The following MAPK8IP3 variants were observed in gnomAD, a reference collection of about 807,000 sequenced individuals.
The protein encoded by MAPK8IP3 is C-Jun-amino-terminal kinase-interacting protein 3.
Under a neutral mutation model 157.8 loss-of-function variants are expected in MAPK8IP3, and 49 were observed. That is an observed-to-expected ratio of 0.31 (90% CI 0.25 to 0.39). The LOEUF (loss-of-function observed/expected upper bound fraction) is 0.39, where lower values mean the gene tolerates loss of function less well. MAPK8IP3 is among the 10% of genes least tolerant of loss of function. MAPK8IP3 has a pLI of 1.00. For missense variants in MAPK8IP3, 1,478 were observed against 1,889.4 expected (o/e 0.78, Z 4.04); for synonymous variants, 897 against 777.7 (o/e 1.15, Z -2.55).
At chr16:1,757,318 A>G (rs1567194778) in intron 8 of MAPK8IP3, among the ~76,000 whole-genome samples, 1 of 152,028 alleles carries the variant, frequency 6.6e-6, no homozygotes, top group Non-Finnish European at 1.5e-5. Context: ...ATTAGCCAGG[A>G]TGGTCTCAAT....
At chr16:1,717,175 G>T (rs1404930133) in intron 1 of MAPK8IP3, among the ~76,000 whole-genome samples, 1 of 150,490 alleles carries the variant, frequency 6.6e-6, no homozygotes, top group African/African-American at 2.4e-5. Context: ...GGCGGAGGTT[G>T]CAGTGAGCCA....
At chr16:1,748,125 C>G in intron 6 of MAPK8IP3, 119 bp from the exon 7 acceptor site, 1 of 720,476 alleles carries the variant, frequency 1.4e-6, no homozygotes, top group South Asian at 1.6e-5. Flanking sequence ...TCTGATCATC[C>G]CCACCTAGCA....
In MAPK8IP3 at chr16:1,766,664, G is replaced by A; in HGVS notation, c.2939+16G>A. ...AGAACGGCTGGTAGGAAGGGCCCGG[G>A]GCAAGGTGGAGGGAGGGTCCTGGGT... On this transcript the variant is annotated intron_variant, in intron 23 of 31. Coordinates refer to ENST00000610761, the MANE Select transcript of MAPK8IP3 (RefSeq NM_001318852.2). 1 of 1,612,494 alleles carries A rather than the reference G, an allele frequency of 6.2e-7. No homozygotes were observed. The highest frequency in any genetic ancestry group is 2.2e-5 in the East Asian group (1 of 44,868).
chr16:1,749,775 C>T (rs538221371), intron 8 of MAPK8IP3, among the ~76,000 whole-genome samples: 3 of 152,318 alleles, frequency 2.0e-5, no homozygotes, highest in Middle Eastern at 3.4e-3. Context: ...TCCTGGTGTA[C>T]TCCTGAGCTG....
chr16:1,732,414 G>A (rs567871741), intron 4 of MAPK8IP3, among the ~76,000 whole-genome samples: 1 of 152,370 alleles, frequency 6.6e-6, no homozygotes, highest in Non-Finnish European at 1.5e-5. Context: ...GGCTTCATGG[G>A]TCACGTTCTG....
chr16:1,755,230 A>G (rs1417690462), intron 8 of MAPK8IP3, among the ~76,000 whole-genome samples: 1 of 152,232 alleles, frequency 6.6e-6, no homozygotes, highest in Non-Finnish European at 1.5e-5. Context: ...GGCATCTCAA[A>G]CCGTGGAAAA....
chr16:1,761,651 G>A (rs1336447835), intron 13 of MAPK8IP3, among the ~76,000 whole-genome samples: 2 of 130,710 alleles, frequency 1.5e-5, no homozygotes, highest in Admixed American at 7.8e-5. Flanking sequence ...CCATTCACAG[G>A]CGGGGCGGCC....
chr16:1,727,953 C>G (rs1406897335), intron 2 of MAPK8IP3, among the ~76,000 whole-genome samples: 2 of 152,246 alleles, frequency 1.3e-5, no homozygotes, highest in Non-Finnish European at 2.9e-5. Context: ...ACGCCGAGGA[C>G]AGGGCACAAG....
chr16:1,756,588 G>T (rs2041610117), intron 8 of MAPK8IP3, among the ~76,000 whole-genome samples: 1 of 151,164 alleles, frequency 6.6e-6, no homozygotes, highest in African/African-American at 2.4e-5. Flanking sequence ...TTGAAGACCA[G>T]CCTGGGCAAC....
Position 1,719,205 on chromosome 16 carries a change from G to A in MAPK8IP3, c.319-5352G>A, listed in dbSNP as rs544876591. On this transcript the variant is annotated intron_variant, in intron 1 of 31. Coordinates refer to ENST00000610761, the MANE Select transcript of MAPK8IP3 (RefSeq NM_001318852.2). ...GCTGGGCTCGAACTCTTGGCCTCAAGTGACACTCCTGCCTCAGCAACCCAA... is the reference window on the plus strand; with the variant it reads ...GCTGGGCTCGAACTCTTGGCCTCAAATGACACTCCTGCCTCAGCAACCCAA... Among the ~76,000 whole-genome samples, 14 of 152,152 alleles carry A rather than the reference G, an allele frequency of 9.2e-5. No homozygotes were observed. The East Asian group carries it at 2.3e-3, about 25-fold the overall frequency.
In MAPK8IP3 at chr16:1,765,153, C is replaced by T. The variant is rs776387925; in HGVS notation, c.2421C>T (p.His807=). 30 of 1,604,240 alleles carry T rather than the reference C, an allele frequency of 1.9e-5. No individual in the cohort carries two copies. Among genetic ancestry groups the T allele is most frequent in the East Asian group, 1.6e-4 (7 of 44,572 alleles). Residue 807 remains histidine, a synonymous_variant, in exon 20 of 32, where the codon CAC becomes CAT. Transcript: ENST00000610761. The part of the protein sequence containing the change: ...VVDQFTVCNA[H]VLCISSIPAA... ...ACCAGTTCACCGTCTGCAACGCGCA[C>T]GTGCTGTGCATCTCCAGCATCCCCG...
intron 5 of MAPK8IP3, chr16:1,745,543 C>G (rs1195875240): frequency 6.6e-6 from 1 of 152,430 alleles, no homozygotes; most frequent in African/African-American, 2.4e-5. Context: ...GGGAGGCGGG[C>G]TGCGCCCGTG....
chr16:1,723,184 C>T (rs1168815089), intron 1 of MAPK8IP3, among the ~76,000 whole-genome samples: 1 of 151,900 alleles, frequency 6.6e-6, no homozygotes, highest in African/African-American at 2.4e-5. Flanking sequence ...TAGGTGTGTG[C>T]CACCACACCC....
chr16:1,727,242 GGTCTGTGTGACTCTGCTGTGTGTAGC>G (rs1378260228), intron 2 of MAPK8IP3, among the ~76,000 whole-genome samples: 50 of 149,792 alleles, frequency 3.3e-4, no homozygotes, highest in African/African-American at 1.2e-3. Flanking sequence ...GCTATGTGCG[GGTCTGTGTGACTCTGCTGTGTGTAGC>G]GTCTGTGAGT....
At chr16:1,728,599 C>T (rs1177351456) in intron 2 of MAPK8IP3, among the ~76,000 whole-genome samples, 1 of 146,512 alleles carries the variant, frequency 6.8e-6, no homozygotes. Flanking sequence ...CTTCACAGAG[C>T]TGAGTGTTCT....
intron 26 of MAPK8IP3, 78 bp from the exon 27 acceptor site, chr16:1,767,486 T>C: frequency 6.4e-7 from 1 of 1,550,996 alleles, no homozygotes; most frequent in Non-Finnish European, 8.8e-7. Context: ...CAGGTGGCCC[T>C]GGAGCTGTGG....
Position 1,766,336 on chromosome 16 carries a change from C to G in MAPK8IP3, c.2746C>G (p.Arg916Gly). ...GPSEPETATL[R>G]PGPLTEHVFT... Reference sequence around the variant, plus strand: ...CAGCGAGCCAGAGACAGCCACATTGCGGCCCGGGCCTCTCACAGAGCACGT... The same window carrying G: ...CAGCGAGCCAGAGACAGCCACATTGGGGCCCGGGCCTCTCACAGAGCACGT... The change falls in exon 22 of 32, where the codon CGG (arginine) becomes GGG (glycine). Residue 916 changes from arginine (R) to glycine (G), a missense_variant. Around this residue, in one of 11 missense-constraint regions of MAPK8IP3, gnomAD observed 669 missense variants for 759.8 expected, o/e 0.88. Coordinates refer to ENST00000610761, the MANE Select transcript of MAPK8IP3 (RefSeq NM_001318852.2). 6.2e-7 allele frequency: 1 copy of G among 1,612,688 alleles called. No individual in the cohort carries two copies. The highest frequency in any genetic ancestry group is 1.3e-5 in the African/African-American group (1 of 75,064).
chr16:1,768,848 C>T lies in MAPK8IP3; in HGVS notation c.*24C>T, dbSNP rs1269624532. On this transcript the variant is annotated 3_prime_UTR_variant, in exon 32 of 32. Transcript: ENST00000610761. ...GAAGCTGCTGCCCTGCCTGGCCCGACCTGTACATAGGACCCCCGACCACCT... is the reference window on the plus strand; with the variant it reads ...GAAGCTGCTGCCCTGCCTGGCCCGATCTGTACATAGGACCCCCGACCACCT... 3 of 1,609,970 alleles carry T rather than the reference C, an allele frequency of 1.9e-6. No homozygotes were observed. Among genetic ancestry groups the T allele is most frequent in the Non-Finnish European group, 1.7e-6 (2 of 1,179,220 alleles).
At chr16:1,716,635 T>C (rs1362836344) in intron 1 of MAPK8IP3, among the ~76,000 whole-genome samples, 2 of 151,046 alleles carry the variant, frequency 1.3e-5, no homozygotes, top group Non-Finnish European at 3.0e-5. Flanking sequence ...CCGAAAATGC[T>C]GGGCATGGTG....
Sources: gnomAD v4.1 joint callset for allele counts (sites outside exome capture counted in the v4.1 genomes callset) on GRCh38, gnomAD v4.1.1 for gene constraint, gnomAD v4.1.1 regional missense constraint, MANE v1.5 for transcripts, NCBI Gene and HGNC (gene_info 2026-07-23, HGNC 2026-07-21) for gene names.